Variants in TOX observed in about 807,000 individuals in gnomAD.
TOX encodes thymocyte selection associated high mobility group box.
TOX carries 11 observed loss-of-function variants against 53.7 expected under a neutral mutation model. The observed-to-expected ratio is 0.20, with a 90% CI of 0.13 to 0.34. The LOEUF (loss-of-function observed/expected upper bound fraction) is 0.34, where lower values mean the gene tolerates loss of function less well. TOX is among the 10% of genes least tolerant of loss of function. TOX has a pLI of 1.00. For missense variants in TOX, 570 were observed against 664.6 expected, an observed-to-expected ratio of 0.86 and a Z score of 1.56; for synonymous variants, 225 against 245.3, an observed-to-expected ratio of 0.92 and a Z score of 0.77.
At chr8:58,990,310 T>C (rs372510873) in intron 1 of TOX, among the ~76,000 whole-genome samples, 1 of 152,292 alleles carries the variant, frequency 6.6e-6, no homozygotes, top group South Asian at 2.1e-4. Flanking sequence ...CAAGGTTCAA[T>C]TGTCCTGCTG....
chr8:58,958,615 T>A (rs146757780), intron 2 of TOX, among the ~76,000 whole-genome samples: 179 of 152,354 alleles, frequency 1.2e-3, no homozygotes, highest in Admixed American at 7.5e-3. Flanking sequence ...TACCTATGGA[T>A]CTTGGAGGCT....
At chr8:59,094,035 T>C (rs977480949) in intron 1 of TOX, among the ~76,000 whole-genome samples, 1 of 152,200 alleles carries the variant, frequency 6.6e-6, no homozygotes, top group African/African-American at 2.4e-5. Context: ...CTGAAAATTA[T>C]AATAAACAAA....
At chr8:59,010,431 C>A (rs1585961930) in intron 1 of TOX, among the ~76,000 whole-genome samples, 1 of 152,118 alleles carries the variant, frequency 6.6e-6, no homozygotes, top group East Asian at 1.9e-4. Context: ...TAGAATATTG[C>A]ATACGATTTT....
chr8:58,843,663 T>C (rs1810679760), intron 4 of TOX, among the ~76,000 whole-genome samples: 1 of 152,214 alleles, frequency 6.6e-6, no homozygotes, highest in Admixed American at 6.5e-5. Flanking sequence ...CTCTATGAAA[T>C]ATAAAGCTGT....
chr8:58,883,680 C>T (rs1811422158), intron 3 of TOX, among the ~76,000 whole-genome samples: 1 of 151,570 alleles, frequency 6.6e-6, no homozygotes, highest in Non-Finnish European at 1.5e-5. Context: ...GGTAAGTGGA[C>T]AAAGTATGGA....
intron 3 of TOX, among the ~76,000 whole-genome samples, chr8:58,890,157 T>G (rs886403125): frequency 1.3e-5 from 2 of 152,202 alleles, no homozygotes; most frequent in Non-Finnish European, 2.9e-5. Context: ...AATACATCAA[T>G]TGTTCAGTAA....
At chr8:59,092,264 T>TATATATATTATATA (rs1174716509) in intron 1 of TOX, among the ~76,000 whole-genome samples, 4 of 51,888 alleles carry the variant, frequency 7.7e-5, no homozygotes, top group African/African-American at 7.5e-4. Flanking sequence ...ATATATATAT[T>TATATATATTATATA]TTATATATAT....
chr8:58,889,090 T>G (rs186069369), intron 3 of TOX, among the ~76,000 whole-genome samples: 7 of 151,750 alleles, frequency 4.6e-5, no homozygotes, highest in African/African-American at 1.7e-4. Flanking sequence ...CAGAGTACAA[T>G]TTGGCATATC....
intron 1 of TOX, among the ~76,000 whole-genome samples, chr8:59,003,540 T>C (rs547686899): frequency 4.6e-5 from 7 of 152,128 alleles, no homozygotes; most frequent in African/African-American, 1.7e-4. Flanking sequence ...TTTTCAACAG[T>C]GAAAGACGGG....
intron 7 of TOX, among the ~76,000 whole-genome samples, chr8:58,812,930 A>G (rs2129164141): frequency 6.6e-6 from 1 of 152,344 alleles, no homozygotes; most frequent in African/African-American, 2.4e-5. Context: ...CTACTCAACA[A>G]TTATTTTGAC....
rs142024575 is a variant in TOX at position 58,963,862 on chromosome 8, C to T, written c.103-3854G>A. Among the ~76,000 whole-genome samples, 577 of 152,168 alleles carry T rather than the reference C, an allele frequency of 3.8e-3. 3 individuals are homozygous for T. Among genetic ancestry groups the T allele is most frequent in the South Asian group, 8.7e-3 (42 of 4,826 alleles). On this transcript the variant is annotated intron_variant, in intron 1 of 8. Coordinates refer to ENST00000361421, the MANE Select transcript of TOX (RefSeq NM_014729.3). ...GTGCCTCTATGGCTTAGGGCTGGCA[C>T]GTAATAGGTCTTCGGAAATGTTTAT...
At chr8:58,987,568 G>T (rs1210318536) in intron 1 of TOX, among the ~76,000 whole-genome samples, 1 of 152,174 alleles carries the variant, frequency 6.6e-6, no homozygotes, top group Admixed American at 6.5e-5. Context: ...ATTCTGATTG[G>T]AGCCGGAAGA....
chr8:58,845,791 G>A (rs965867752), intron 4 of TOX, among the ~76,000 whole-genome samples: 2 of 152,056 alleles, frequency 1.3e-5, no homozygotes, highest in African/African-American at 4.8e-5. Context: ...CTGGGCTAAT[G>A]TCCAGAAAAA....
intron 3 of TOX, among the ~76,000 whole-genome samples, chr8:58,938,275 T>C (rs1398499522): frequency 1.3e-5 from 2 of 152,150 alleles, no homozygotes; most frequent in African/African-American, 4.8e-5. Flanking sequence ...CCCCCAATGA[T>C]TTAGATAAGT....
At chr8:59,047,984 A>G (rs762882888) in intron 1 of TOX, among the ~76,000 whole-genome samples, 1 of 152,214 alleles carries the variant, frequency 6.6e-6, no homozygotes, top group African/African-American at 2.4e-5. Flanking sequence ...TCAATAGTGT[A>G]TGATTGTTAG....
chr8:59,118,314 C>T lies in TOX; in HGVS notation c.102+572G>A, dbSNP rs1434616794. Among the ~76,000 whole-genome samples the T allele has an allele frequency of 1.3e-5, 2 of 152,246 alleles. No individual in the cohort carries two copies. Among genetic ancestry groups the T allele is most frequent in the African/African-American group, 4.8e-5 (2 of 41,474 alleles). On this transcript the variant is annotated intron_variant, in intron 1 of 8. Coordinates refer to ENST00000361421, the MANE Select transcript of TOX (RefSeq NM_014729.3). This position sits in a 1 kb window ranked among gnomAD's most constrained non-coding sequence, Gnocchi z 4.1. ...TCTGGCCCGCGGACCTGTGTCCGAA[C>T]CCGGGCTCGGCTGCCGGAACCGGTT...
chr8:58,932,970 C>G (rs763328782), intron 3 of TOX, among the ~76,000 whole-genome samples: 3 of 152,100 alleles, frequency 2.0e-5, no homozygotes, highest in African/African-American at 7.2e-5. Context: ...AATTTTATTG[C>G]CTTTTAACAT....
At chr8:58,810,091 C>A (rs986478818) in intron 7 of TOX, among the ~76,000 whole-genome samples, 2 of 151,808 alleles carry the variant, frequency 1.3e-5, no homozygotes, top group Non-Finnish European at 2.9e-5. Flanking sequence ...ACTAATGCAA[C>A]CCTTATGCCT....
intron 1 of TOX, among the ~76,000 whole-genome samples, chr8:58,970,316 G>T (rs1451985914): frequency 1.3e-5 from 2 of 152,086 alleles, no homozygotes; most frequent in Non-Finnish European, 2.9e-5. Flanking sequence ...CATATGACCA[G>T]ATAATCCCCA....
Sources: allele counts gnomAD v4.1 joint callset (sites outside exome capture counted in the v4.1 genomes callset), GRCh38; gene constraint gnomAD v4.1.1; non-coding constraint Gnocchi (gnomAD v3.1); transcripts MANE v1.5; gene names NCBI Gene and HGNC (gene_info 2026-07-23, HGNC 2026-07-21).